Variants in ARHGAP15 observed in about 807,000 individuals in gnomAD.
The protein encoded by ARHGAP15 is Rho GTPase activating protein 15.
A neutral mutation model predicts 63.7 loss-of-function variants in ARHGAP15; 51 were observed. That is an observed-to-expected ratio of 0.80 (90% CI 0.64 to 1.01). The LOEUF is 1.01. Among genes scored for constraint, ARHGAP15 ranks in the 50% least tolerant of loss-of-function variants. The probability of loss-of-function intolerance (pLI) is 0.00; values close to 1 mark genes in which losing one functional copy is unlikely to be tolerated. For synonymous variants in ARHGAP15, 191 were observed against 193.8 expected (o/e 0.99, Z 0.12); for missense variants, 560 against 564.6 (o/e 0.99, Z 0.08).
At chr2:143,589,266 C>A (rs1434548787) in intron 11 of ARHGAP15, among the ~76,000 whole-genome samples, 3 of 152,192 alleles carry the variant, frequency 2.0e-5, no homozygotes, top group African/African-American at 7.2e-5. Flanking sequence ...AAGAGATCTA[C>A]TTCTTCTCCA....
chr2:143,572,026 T>A (rs1696477862), intron 11 of ARHGAP15: 1 of 152,252 alleles, frequency 6.6e-6, no homozygotes, highest in South Asian at 2.1e-4. Context: ...TCCCATAGCA[T>A]GTTGTCCCTG....
At chr2:143,373,675 A>G (rs1392178513) in intron 6 of ARHGAP15, among the ~76,000 whole-genome samples, 1 of 150,270 alleles carries the variant, frequency 6.7e-6, no homozygotes, top group African/African-American at 2.4e-5. Context: ...GAAATGTCTC[A>G]AGCAATATGG....
chr2:143,396,817 G>A (rs1004611213), intron 6 of ARHGAP15, among the ~76,000 whole-genome samples: 1 of 151,988 alleles, frequency 6.6e-6, no homozygotes, highest in African/African-American at 2.4e-5. Flanking sequence ...TTTCCCAGGA[G>A]CACACTGGAG....
chr2:143,346,091 C>A (rs1357566612), intron 6 of ARHGAP15, among the ~76,000 whole-genome samples: 1 of 151,936 alleles, frequency 6.6e-6, no homozygotes, highest in Non-Finnish European at 1.5e-5. Flanking sequence ...AACCAAGCTG[C>A]ATTTTTTATG....
At chr2:143,568,163 G>C (rs1188342205) in intron 11 of ARHGAP15, among the ~76,000 whole-genome samples, 3 of 151,788 alleles carry the variant, frequency 2.0e-5, no homozygotes, top group East Asian at 1.9e-4. Context: ...AGCCAAAATT[G>C]ACAAATGGGA....
intron 11 of ARHGAP15, among the ~76,000 whole-genome samples, chr2:143,587,518 T>C (rs1181666321): frequency 6.6e-6 from 1 of 152,216 alleles, no homozygotes; most frequent in African/African-American, 2.4e-5. Flanking sequence ...CCACTGTGTT[T>C]CGGTCTTACT....
chr2:143,482,828 T>C (rs1032067631), intron 8 of ARHGAP15, among the ~76,000 whole-genome samples: 1 of 152,236 alleles, frequency 6.6e-6, no homozygotes, highest in Non-Finnish European at 1.5e-5. Context: ...TAATAAAAAG[T>C]ATGCTATATA....
intron 6 of ARHGAP15, among the ~76,000 whole-genome samples, chr2:143,413,967 G>GTGTGTGCGCGCGCGC (rs1553476589): frequency 3.8e-5 from 1 of 26,664 alleles, no homozygotes; most frequent in Non-Finnish European, 8.0e-5. Context: ...GTGTGTGTGT[G>GTGTGTGCGCGCGCGC]CGCGCTCTCT....
At chr2:143,382,061 T>TTTCCTTCC (rs749074335) in intron 6 of ARHGAP15, among the ~76,000 whole-genome samples, 13 of 150,724 alleles carry the variant, frequency 8.6e-5, no homozygotes, top group Middle Eastern at 3.4e-3. Flanking sequence ...TTCTTGCTTC[T>TTTCCTTCC]TTCCTTCCTT....
chr2:143,727,854 T>C (rs1004066618), intron 13 of ARHGAP15, among the ~76,000 whole-genome samples: 5 of 152,258 alleles, frequency 3.3e-5, no homozygotes, highest in Non-Finnish European at 5.9e-5. Flanking sequence ...CTTATTTTTC[T>C]TGTCCTCATT....
In ARHGAP15 at chr2:143,286,889, C is replaced by T. The variant is rs536735150; in HGVS notation, c.474+36289C>T. Among the ~76,000 whole-genome samples, 14 of 152,252 alleles carry T rather than the reference C, an allele frequency of 9.2e-5. No individual in the cohort carries two copies. In the East Asian group the frequency reaches 9.7e-4, roughly 11 times the overall value. The stretch of plus-strand genomic sequence containing the variant: ...GATGGAACCTATTGTTTCTAAACCA[C>T]GAACTTATACGGCATGTTACGGCAT... On this transcript the variant is annotated intron_variant, in intron 6 of 13. Transcript: ENST00000295095.
chr2:143,219,998 TG>T (rs1392726745), intron 4 of ARHGAP15, among the ~76,000 whole-genome samples: 1 of 152,178 alleles, frequency 6.6e-6, no homozygotes, highest in Non-Finnish European at 1.5e-5. Flanking sequence ...TTATGGGGCT[TG>T]TTTTGTTTTT....
intron 1 of ARHGAP15, among the ~76,000 whole-genome samples, chr2:143,144,257 T>A (rs1212089445): frequency 6.6e-6 from 1 of 152,084 alleles, no homozygotes; most frequent in Admixed American, 6.6e-5. Context: ...TTATATTCCT[T>A]TGGGTATATA....
intron 13 of ARHGAP15, among the ~76,000 whole-genome samples, chr2:143,720,796 A>G (rs548394464): frequency 5.9e-5 from 9 of 152,242 alleles, no homozygotes; most frequent in Admixed American, 2.0e-4. Flanking sequence ...TGGGTCGGGC[A>G]CGGTGGCTCA....
At chr2:143,215,024 C>T (rs1177077980) in intron 3 of ARHGAP15, among the ~76,000 whole-genome samples, 1 of 152,156 alleles carries the variant, frequency 6.6e-6, no homozygotes, top group Non-Finnish European at 1.5e-5. Context: ...ATTGGCACTA[C>T]CAAAATATTC....
chr2:143,676,611 C>T (rs1574825554), intron 12 of ARHGAP15: 2 of 152,008 alleles, frequency 1.3e-5, no homozygotes, highest in East Asian at 3.9e-4. Flanking sequence ...AGAGAATGAC[C>T]CATTAGTGGA....
At chr2:143,330,234 T>G (rs1267775287) in intron 6 of ARHGAP15, among the ~76,000 whole-genome samples, 1 of 150,838 alleles carries the variant, frequency 6.6e-6, no homozygotes, top group Non-Finnish European at 1.5e-5. Flanking sequence ...CAGAAGAGTT[T>G]AAGTGAAAAT....
At chr2:143,178,992 G>C (rs17205123) in intron 2 of ARHGAP15, among the ~76,000 whole-genome samples, 1 of 152,170 alleles carries the variant, frequency 6.6e-6, no homozygotes, top group Non-Finnish European at 1.5e-5. Flanking sequence ...AAAGCCTTAG[G>C]CTCATTTAGA....
intron 6 of ARHGAP15, among the ~76,000 whole-genome samples, chr2:143,384,427 A>T: frequency 6.6e-6 from 1 of 152,070 alleles, no homozygotes; most frequent in South Asian, 2.1e-4. Context: ...TTATTTTTAT[A>T]TTCTATGATA....
Sources: gnomAD v4.1 joint callset for allele counts (sites outside exome capture counted in the v4.1 genomes callset) on GRCh38, gnomAD v4.1.1 for gene constraint, MANE v1.5 for transcripts, NCBI Gene and HGNC (gene_info 2026-07-23, HGNC 2026-07-21) for gene names.